The following CCDC170 variants were observed in gnomAD, a reference collection of about 807,000 sequenced individuals.
CCDC170 encodes the protein coiled-coil domain containing 170.
Under a neutral mutation model 72.6 loss-of-function variants are expected in CCDC170, and 69 were observed. That is an observed-to-expected ratio of 0.95 (90% CI 0.78 to 1.16). CCDC170 has a LOEUF of 1.16. Ranked by LOEUF, CCDC170 falls within the 50% of genes most tolerant of loss-of-function variation. CCDC170 has a pLI of 0.00. For synonymous variants in CCDC170, 300 were observed against 303.9 expected (o/e 0.99, Z 0.13); for missense variants, 852 against 832.5 (o/e 1.02, Z -0.29).
intron 5 of CCDC170, among the ~76,000 whole-genome samples, chr6:151,570,299 C>T (rs949919842): frequency 6.6e-6 from 1 of 152,108 alleles, no homozygotes; most frequent in Non-Finnish European, 1.5e-5. Context: ...ATTTCCATCC[C>T]AGCATCATTG....
intron 5 of CCDC170, among the ~76,000 whole-genome samples, chr6:151,551,284 C>G (rs1338323705): frequency 5.9e-5 from 9 of 152,170 alleles, no homozygotes; most frequent in Non-Finnish European, 8.8e-5. Context: ...TTGCCTCTAA[C>G]TATGTCAGCA....
intron 4 of CCDC170, among the ~76,000 whole-genome samples, chr6:151,545,517 A>G (rs1039387934): frequency 1.3e-5 from 2 of 152,182 alleles, no homozygotes; most frequent in Non-Finnish European, 2.9e-5. Flanking sequence ...CTTGGCCCAT[A>G]GTGCTTCATT....
intron 5 of CCDC170, among the ~76,000 whole-genome samples, chr6:151,556,036 A>G (rs925142826): frequency 7.2e-5 from 11 of 152,232 alleles, no homozygotes; most frequent in Non-Finnish European, 1.2e-4. Context: ...ACTTGAGGCC[A>G]GGAGTTCAAG....
At chr6:151,543,783 G>T (rs891353716) in intron 3 of CCDC170, among the ~76,000 whole-genome samples, 1 of 152,052 alleles carries the variant, frequency 6.6e-6, no homozygotes, top group African/African-American at 2.4e-5. Flanking sequence ...CATCCATATT[G>T]CCACTCCTGA....
intron 1 of CCDC170, among the ~76,000 whole-genome samples, chr6:151,522,746 T>C (rs188497136): frequency 1.7e-3 from 266 of 152,332 alleles, no homozygotes; most frequent in African/African-American, 6.1e-3. Context: ...GAAAATGTTA[T>C]ATTCGAGTGC....
intron 1 of CCDC170, among the ~76,000 whole-genome samples, chr6:151,496,102 C>T (rs1392473730): frequency 6.6e-6 from 1 of 152,006 alleles, no homozygotes; most frequent in African/African-American, 2.4e-5. Flanking sequence ...ATGATACTGA[C>T]ATTTTTGCAG....
intron 1 of CCDC170, among the ~76,000 whole-genome samples, chr6:151,521,920 A>G (rs1046303899): frequency 7.0e-6 from 1 of 142,570 alleles, no homozygotes; most frequent in African/African-American, 2.6e-5. Flanking sequence ...CAGGAGGCGG[A>G]GCTTGTAGTG....
rs541531398 is a variant in CCDC170, at chr6:151,561,112, G to A, written c.775-12062G>A. 2.6e-4 allele frequency among the ~76,000 whole-genome samples: 39 copies of A among 151,884 alleles called. No homozygotes were observed. The East Asian group carries it at 7.4e-3, about 29-fold the overall frequency. On this transcript the variant is annotated intron_variant, in intron 5 of 10. Coordinates refer to ENST00000239374, the MANE Select transcript of CCDC170 (RefSeq NM_025059.4). ...GTACATAGTGGGTGTGTATATTTAT[G>A]GGGTACATGAGATATTTTGATACAG...
rs759086475 is a variant in CCDC170, at chr6:151,618,095, T to C, written c.2096T>C (p.Val699Ala). 7 of 1,614,174 alleles carry C rather than the reference T, an allele frequency of 4.3e-6. No homozygotes were observed. Among genetic ancestry groups the C allele is most frequent in the Non-Finnish European group, 5.9e-6 (7 of 1,180,024 alleles). Residue 699 changes from valine (V) to alanine (A), a missense_variant, in exon 11 of 11, where the codon GTG (valine) becomes GCG (alanine). By Grantham distance (64) the Val-to-Ala change is moderately conservative. Coordinates refer to ENST00000239374, the MANE Select transcript of CCDC170 (RefSeq NM_025059.4). ...GTTACCTGTGCCTGCCTCAAAGATG[T>C]GACTACTGGGCAAGAGAGGCACCCA... ...HFVTCACLKD[V>A]TTGQERHPQG... is the part of the protein sequence containing the mutation.
intron 9 of CCDC170, among the ~76,000 whole-genome samples, chr6:151,604,005 A>G (rs1776747768): frequency 6.6e-6 from 1 of 152,188 alleles, no homozygotes; most frequent in Non-Finnish European, 1.5e-5. Flanking sequence ...CTATCAGCCT[A>G]TATCATGTGG....
intron 5 of CCDC170, among the ~76,000 whole-genome samples, chr6:151,568,612 C>T (rs1347631530): frequency 6.6e-6 from 1 of 152,174 alleles, no homozygotes; most frequent in Non-Finnish European, 1.5e-5. Context: ...TTGGCAGTTG[C>T]TTGTGCATGT....
chr6:151,511,601 G>A (rs565132290), intron 1 of CCDC170, among the ~76,000 whole-genome samples: 9 of 152,068 alleles, frequency 5.9e-5, no homozygotes, highest in South Asian at 2.1e-4. Context: ...TAGCTGACTC[G>A]TTCATTTATT....
chr6:151,552,631 C>T (rs953300259), intron 5 of CCDC170, among the ~76,000 whole-genome samples: 1 of 152,106 alleles, frequency 6.6e-6, no homozygotes, highest in African/African-American at 2.4e-5. Context: ...ATTTGTCCGG[C>T]AGAAGCTCCT....
At chr6:151,509,681 A>G (rs992605618) in intron 1 of CCDC170, among the ~76,000 whole-genome samples, 21 of 152,244 alleles carry the variant, frequency 1.4e-4, no homozygotes, top group African/African-American at 4.8e-4. Flanking sequence ...TTAAAATTAA[A>G]TCAATTATTT....
intron 9 of CCDC170, 152 bp downstream of exon 9, chr6:151,596,729 C>T: frequency 9.3e-7 from 1 of 1,073,844 alleles, no homozygotes; most frequent in Non-Finnish European, 1.3e-6. Context: ...GCAAAAATGA[C>T]ACAAATCAGG....
chr6:151,616,063 G>A (rs373196458), intron 10 of CCDC170, among the ~76,000 whole-genome samples: 7 of 152,192 alleles, frequency 4.6e-5, no homozygotes, highest in South Asian at 2.1e-4. Context: ...TTCAAGCAGC[G>A]GAAGGGTTTT....
chr6:151,550,606 A>G (rs1782862938), intron 5 of CCDC170, among the ~76,000 whole-genome samples: 1 of 152,202 alleles, frequency 6.6e-6, no homozygotes, highest in Non-Finnish European at 1.5e-5. Context: ...CCTCATTGTC[A>G]GCTTGGGCTG....
At chr6:151,512,404 C>T (rs930322275) in intron 1 of CCDC170, among the ~76,000 whole-genome samples, 4 of 152,122 alleles carry the variant, frequency 2.6e-5, no homozygotes, top group African/African-American at 9.7e-5. Context: ...TAGTGATCCA[C>T]GGGCCTTGGC....
chr6:151,495,031 T>G (rs1338616982), intron 1 of CCDC170, among the ~76,000 whole-genome samples: 1 of 152,240 alleles, frequency 6.6e-6, no homozygotes, highest in African/African-American at 2.4e-5. Context: ...TTTTTCTTTC[T>G]TTCCAAAGTT....
Sources: allele counts gnomAD v4.1 joint callset (sites outside exome capture counted in the v4.1 genomes callset), GRCh38; gene constraint gnomAD v4.1.1; transcripts MANE v1.5; gene names NCBI Gene and HGNC (gene_info 2026-07-23, HGNC 2026-07-21).